ARSH: variants seen among roughly 807,000 people sequenced by gnomAD.
ARSH encodes arylsulfatase family member H, also known as arylsulfatase H.
Under a neutral mutation model 28.7 loss-of-function variants are expected in ARSH, and 32 were observed. That is an observed-to-expected ratio of 1.11 (90% confidence interval 0.84 to 1.50). The LOEUF (loss-of-function observed/expected upper bound fraction) is 1.50, where lower values mean the gene tolerates loss of function less well. ARSH is among the 40% of genes most tolerant of loss of function. ARSH has a pLI of 0.00. For synonymous variants in ARSH, 176 were observed against 177.3 expected, an observed-to-expected ratio of 0.99 and a Z score of 0.06; for missense variants, 440 against 452.4, an observed-to-expected ratio of 0.97 and a Z score of 0.25.
intron 1 of ARSH, 92 bp from the exon 2 acceptor site, chrX:3,009,938 C>T: frequency 1.9e-6 from 2 of 1,060,115 alleles, no homozygotes; most frequent in Non-Finnish European, 2.6e-6. Context: ...GAAATAGAGT[C>T]AACTTGACCC....
intron 5 of ARSH, among the ~76,000 whole-genome samples, chrX:3,019,624 A>G: frequency 9.0e-6 from 1 of 111,153 alleles, no homozygotes; most frequent in Non-Finnish European, 1.9e-5. Context: ...TTCTGAGTGC[A>G]AACTTCTGAA....
chrX:3,031,132 CA>C (rs145181081), intron 8 of ARSH, among the ~76,000 whole-genome samples: 4,456 of 98,933 alleles, frequency 0.045, 90 homozygotes, highest in Middle Eastern at 0.069. Context: ...GACACTGTCT[CA>C]AAAAAAAAAA....
chrX:3,031,220 G>A (rs1423955326), intron 8 of ARSH, among the ~76,000 whole-genome samples: 4 of 111,576 alleles, frequency 3.6e-5, no homozygotes, highest in Non-Finnish European at 5.6e-5. Flanking sequence ...ATTAGCTTGT[G>A]TGAATGTATA....
chrX:3,031,545 G>A (rs1262226872), intron 8 of ARSH, among the ~76,000 whole-genome samples: 1 of 111,600 alleles, frequency 9.0e-6, no homozygotes, highest in Non-Finnish European at 1.9e-5. Flanking sequence ...TTTGCAGGAG[G>A]AATTTTCTCT....
chrX:3,015,215 G>C lies in ARSH; in HGVS notation c.586G>C (p.Val196Leu). The C allele has an allele frequency of 1.7e-6, 2 of 1,210,676 alleles. No individual in the cohort carries two copies. The highest frequency in any genetic ancestry group is 2.2e-6 in the Non-Finnish European group (2 of 895,090). ...CCGCTGGTTCTCAGTGCCATGGAAG[G>C]TCATCTTTGTCTTTGCTCTCCTCGC... The part of the protein sequence containing the change: ...FARWFSVPWK[V>L]IFVFALLAFL... Residue 196 changes from valine to leucine, a missense_variant, in exon 4 of 9, where the codon GTC becomes CTC. Physicochemically the swap from Val to Leu is conservative, Grantham distance 32 (BLOSUM62 1). Transcript: ENST00000381130.
intron 1 of ARSH, among the ~76,000 whole-genome samples, chrX:3,009,345 G>C (rs2089839805): frequency 9.0e-6 from 1 of 110,954 alleles, no homozygotes; most frequent in African/African-American, 3.3e-5. Flanking sequence ...GGTGGCTCAT[G>C]CCTGTAATCC....
At chrX:3,015,657 G>T (rs1207835723) in intron 4 of ARSH, among the ~76,000 whole-genome samples, 1 of 110,774 alleles carries the variant, frequency 9.0e-6, no homozygotes, top group Non-Finnish European at 1.9e-5. Context: ...AGCCTCCATG[G>T]ACATAAACAT....
chrX:3,026,957 C>T (rs969966747), intron 6 of ARSH, among the ~76,000 whole-genome samples: 3 of 110,939 alleles, frequency 2.7e-5, no homozygotes, highest in Non-Finnish European at 5.7e-5. Flanking sequence ...TCTCTGATCC[C>T]CCGACTTCAG....
intron 1 of ARSH, among the ~76,000 whole-genome samples, chrX:3,007,087 TA>T (rs371172636): frequency 0.036 from 3,675 of 102,155 alleles, 152 homozygotes; most frequent in African/African-American, 0.12. Context: ...ACAAAAATAA[TA>T]AAAAAAAAAA....
intron 5 of ARSH, among the ~76,000 whole-genome samples, chrX:3,020,254 T>C (rs2147457223): frequency 1.3e-5 from 1 of 74,093 alleles, no homozygotes; most frequent in East Asian, 5.0e-4. Context: ...ATTGCACCAC[T>C]GTACTCCAAG....
At chrX:3,015,670 A>G (rs1462581763) in intron 4 of ARSH, among the ~76,000 whole-genome samples, 4 of 111,067 alleles carry the variant, frequency 3.6e-5, no homozygotes, top group Admixed American at 9.7e-5. Flanking sequence ...ATAAACATGG[A>G]AACAATAGAC....
At chrX:3,011,490 A>G (rs956550014) in intron 2 of ARSH, among the ~76,000 whole-genome samples, 17 of 111,393 alleles carry the variant, frequency 1.5e-4, no homozygotes, top group Non-Finnish European at 3.0e-4. Flanking sequence ...CTCATGTGTG[A>G]TCCACCTGCC....
Position 3,015,187 on chromosome X carries a change from C to A in ARSH, c.558C>A (p.Phe186Leu), listed in dbSNP as rs200445611. 8.3e-7 allele frequency: 1 copy of A among 1,209,404 alleles called. No individual in the cohort carries two copies. The highest frequency in any genetic ancestry group is 1.8e-5 in the South Asian group (1 of 56,497). Residue 186 changes from phenylalanine to leucine, a missense_variant, in exon 4 of 9, where the codon TTC (phenylalanine) becomes TTA (leucine). Phe to Leu is a conservative substitution (Grantham distance 22). Coordinates refer to ENST00000381130, the MANE Select transcript of ARSH (RefSeq NM_001011719.2). ...LVPFLLLIPK[F>L]ARWFSVPWKV... ...CTTTTCTGCTTCTCATTCCCAAGTT[C>A]GCCCGCTGGTTCTCAGTGCCATGGA...
chrX:3,023,379 T>C (rs1463330533), intron 5 of ARSH, among the ~76,000 whole-genome samples: 1 of 105,112 alleles, frequency 9.5e-6, no homozygotes, highest in Non-Finnish European at 1.9e-5. Context: ...ATAGTTAATA[T>C]ATTTTCCTAT....
intron 5 of ARSH, among the ~76,000 whole-genome samples, chrX:3,019,708 G>A (rs187056581): frequency 4.5e-5 from 5 of 111,151 alleles, no homozygotes; most frequent in African/African-American, 1.6e-4. Flanking sequence ...TATATGGAGT[G>A]CCTTTGAAAG....
intron 1 of ARSH, among the ~76,000 whole-genome samples, chrX:3,008,025 G>T (rs1258662561): frequency 9.0e-6 from 1 of 111,719 alleles, no homozygotes; most frequent in Non-Finnish European, 1.9e-5. Flanking sequence ...TGAGGTCCTG[G>T]GGGTTAGGAC....
At chrX:3,024,597 A>G (rs2089893853) in intron 6 of ARSH, among the ~76,000 whole-genome samples, 2 of 111,646 alleles carry the variant, frequency 1.8e-5, no homozygotes, top group African/African-American at 6.5e-5. Context: ...GGTCATTTCT[A>G]AGTGAGAAGT....
At chrX:3,027,267 T>C in intron 6 of ARSH, 46 bp from the exon 7 acceptor site, 1 of 1,191,109 alleles carries the variant, frequency 8.4e-7, no homozygotes. Flanking sequence ...GCCAATATGG[T>C]TGGGTTTTAA....
chrX:3,024,284 G>C, intron 6 of ARSH, 129 bp downstream of exon 6: 2 of 665,321 alleles, frequency 3.0e-6, no homozygotes, highest in Non-Finnish European at 4.0e-6. Flanking sequence ...TATTAAGCTA[G>C]ACCGAAAAAA....
Sources: gnomAD v4.1 joint callset for allele counts (sites outside exome capture counted in the v4.1 genomes callset) on GRCh38, gnomAD v4.1.1 for gene constraint, MANE v1.5 for transcripts, NCBI Gene and HGNC (gene_info 2026-07-23, HGNC 2026-07-21) for gene names.